The following SS18 variants were observed in gnomAD, a reference collection of about 807,000 sequenced individuals.
The protein encoded by SS18 is protein SSXT.
Under a neutral mutation model 72.5 loss-of-function variants are expected in SS18, and 28 were observed. The ratio of observed to expected loss-of-function variants is 0.39; its 90% CI spans 0.29 to 0.53. SS18 has a LOEUF of 0.53. Among genes scored for constraint, SS18 ranks in the 20% least tolerant of loss-of-function variants. The pLI is 0.76. For missense variants in SS18, 518 were observed against 535.3 expected (o/e 0.97, Z 0.32); for synonymous variants, 172 against 164.2 (o/e 1.05, Z -0.37).
At chr18:26,080,509 T>C (rs982904112) in intron 2 of SS18, 1 of 307,478 alleles carries the variant, frequency 3.3e-6, no homozygotes. Context: ...TGCCACACTC[T>C]TAAGGTCTCA....
In SS18 at chr18:26,071,801, C is replaced by T. The variant is rs558545322; in HGVS notation, c.231+6275G>A. Among the ~76,000 whole-genome samples the T allele has an allele frequency of 3.9e-5, 6 of 152,000 alleles. No homozygotes were observed. In the South Asian group the frequency reaches 1.2e-3, roughly 32 times the overall value. On this transcript the variant is annotated intron_variant, in intron 3 of 10. Coordinates refer to ENST00000415083, the MANE Select transcript of SS18 (RefSeq NM_001007559.3). ...TATGATCATGCCCCTATGCTCTGGC[C>T]TGGGTGACGGAGTGAAACACTGTCT...
rs993075323 is a variant in SS18 at position 26,017,780 on chromosome 18, G to C, written c.*574C>G. 4.5e-6 allele frequency: 1 copy of C among 224,276 alleles called. No individual in the cohort carries two copies. Among genetic ancestry groups the C allele is most frequent in the African/African-American group, 2.2e-5 (1 of 44,850 alleles). 13.9% of individuals were successfully genotyped at this position (224,276 alleles called of 1,614,324 possible). On this transcript the variant is annotated 3_prime_UTR_variant, in exon 11 of 11. Transcript: ENST00000415083. Reference sequence around the variant, plus strand: ...GAACAGTGGACATATGGTGTGCTTTGTCTTCCCCTCACCTTTATCTTTATA... The same window carrying C: ...GAACAGTGGACATATGGTGTGCTTTCTCTTCCCCTCACCTTTATCTTTATA...
chr18:26,031,531 C>A (rs2143831544), intron 10 of SS18, among the ~76,000 whole-genome samples: 1 of 152,272 alleles, frequency 6.6e-6, no homozygotes, highest in Middle Eastern at 3.4e-3. Context: ...AAACCTGAAA[C>A]CAGCCTAAAG....
intron 1 of SS18, chr18:26,090,158 C>T: frequency 3.4e-6 from 1 of 291,310 alleles, no homozygotes; most frequent in African/African-American, 2.2e-5. Context: ...ACGCGCGGGG[C>T]CGCCGGTCCG....
intron 5 of SS18, 73 bp from the exon 6 acceptor site, chr18:26,039,529 T>C: frequency 7.3e-7 from 1 of 1,379,246 alleles, no homozygotes; most frequent in Non-Finnish European, 9.8e-7. Context: ...AATAAGATAA[T>C]CTTTTATCAT....
rs2053560967 is a variant in SS18, at chr18:26,032,497, T to C, written c.1132A>G (p.Asn378Asp). ...SQGGPGPQYPNYPQGQGQQYG... is the reference protein window; with the variant it reads ...SQGGPGPQYPDYPQGQGQQYG... ...TGCTGACCTTGTCCCTGTGGGTAGT[T>C]AGGATACTGAGGACCTGGACCACCC... Residue 378 changes from asparagine (N) to aspartate (D), a missense_variant, in exon 10 of 11, where the codon AAC (asparagine) becomes GAC (aspartate). Physicochemically the swap from Asn to Asp is conservative, Grantham distance 23. Coordinates refer to ENST00000415083, the MANE Select transcript of SS18 (RefSeq NM_001007559.3). The C allele has an allele frequency of 1.2e-6, 2 of 1,613,790 alleles. No homozygotes were observed. Among genetic ancestry groups the C allele is most frequent in the South Asian group, 1.1e-5 (1 of 91,058 alleles).
At chr18:26,050,080 CA>C (rs1319675643) in intron 5 of SS18, among the ~76,000 whole-genome samples, 1 of 151,996 alleles carries the variant, frequency 6.6e-6, no homozygotes, top group Non-Finnish European at 1.5e-5. Flanking sequence ...TACTAAAATA[CA>C]AAAATTAGCT....
In SS18 at chr18:26,035,764, T is replaced by C; in HGVS notation, c.973+67A>G. ...AGCTTTGCATGGGTAGAAGTTGTCT[T>C]ATGCAAGAATTTTCATTCCTGTAGA... On this transcript the variant is annotated intron_variant, in intron 8 of 10. Transcript: ENST00000415083. This position sits in a 1 kb window ranked among gnomAD's most constrained non-coding sequence, Gnocchi z 4.4. The C allele has an allele frequency of 8.8e-7, 1 of 1,139,436 alleles. No homozygotes were observed. The highest frequency in any genetic ancestry group is 1.2e-6 in the Non-Finnish European group (1 of 808,254). The allele number at this position is 1,139,436 out of a possible 1,614,324, so 70.6% of individuals were successfully genotyped here.
chr18:26,023,816 G>A (rs1036680474), intron 10 of SS18, among the ~76,000 whole-genome samples: 1 of 150,472 alleles, frequency 6.6e-6, no homozygotes, highest in Non-Finnish European at 1.5e-5. Context: ...ACCAAAAACG[G>A]TAACTACATG....
chr18:26,031,008 C>T lies in SS18; in HGVS notation c.1230+1391G>A, dbSNP rs1026205943. 5.3e-5 allele frequency among the ~76,000 whole-genome samples: 8 copies of T among 152,206 alleles called. No homozygotes were observed. The East Asian group carries it at 1.2e-3, about 22-fold the overall frequency. On this transcript the variant is annotated intron_variant, in intron 10 of 10. Transcript: ENST00000415083. ...GACAGCTGGTTGACTATTTTACCTC[C>T]GTAGGACCTACTGCAGTATCAAACA...
intron 5 of SS18, among the ~76,000 whole-genome samples, chr18:26,041,743 C>T (rs1300345438): frequency 6.8e-6 from 1 of 147,366 alleles, no homozygotes; most frequent in Non-Finnish European, 1.5e-5. Flanking sequence ...CCACAATAGC[C>T]AAAAGAAAAA....
At chr18:26,079,421 G>A (rs1208404612) in intron 2 of SS18, among the ~76,000 whole-genome samples, 1 of 1,714 alleles carries the variant, frequency 5.8e-4, no homozygotes. Flanking sequence ...CAAATTGTTA[G>A]GCTTTCTTAA....
intron 4 of SS18, among the ~76,000 whole-genome samples, chr18:26,056,553 C>T (rs568685144): frequency 6.1e-4 from 93 of 152,346 alleles, no homozygotes; most frequent in African/African-American, 2.0e-3. Context: ...CCTCAATCTT[C>T]TATAAGCCAG....
rs535337548 is a variant in SS18, at chr18:26,090,220, C to G, written c.69+281G>C. 2.6e-3 allele frequency: 1,227 copies of G among 475,816 alleles called. 18 individuals are homozygous for G. Among genetic ancestry groups the G allele is most frequent in the Non-Finnish European group, 3.2e-4 (86 of 271,112 alleles). The allele number at this position is 475,816 out of a possible 1,614,324, so 29.5% of individuals were successfully genotyped here. On this transcript the variant is annotated intron_variant, in intron 1 of 10. Transcript: ENST00000415083. The stretch of plus-strand genomic sequence containing the variant: ...CGCCGGGCGCACGCGCCCCGCAGCC[C>G]GAACGCCGCCCCATCCCTAGAGAAA...
intron 5 of SS18, among the ~76,000 whole-genome samples, chr18:26,039,834 C>G (rs990080780): frequency 1.3e-5 from 2 of 152,034 alleles, no homozygotes; most frequent in African/African-American, 4.8e-5. Context: ...GGAAAATATA[C>G]CAAAAGTAAA....
chr18:26,038,980 C>T (rs530424726), intron 6 of SS18, among the ~76,000 whole-genome samples: 18 of 151,898 alleles, frequency 1.2e-4, no homozygotes, highest in Non-Finnish European at 2.1e-4. Flanking sequence ...TACTACAGTG[C>T]TGTGAAGTAA....
chr18:26,031,976 T>C (rs578075502), intron 10 of SS18, among the ~76,000 whole-genome samples: 1 of 151,608 alleles, frequency 6.6e-6, no homozygotes, highest in Non-Finnish European at 1.5e-5. Flanking sequence ...TTACCAGAGG[T>C]TGGGAAGAAA....
intron 10 of SS18, among the ~76,000 whole-genome samples, chr18:26,024,047 T>C (rs949232155): frequency 3.3e-5 from 5 of 149,626 alleles, no homozygotes; most frequent in Admixed American, 1.3e-4. Flanking sequence ...CAGACGAACC[T>C]TGAAAATATT....
chr18:26,048,367 T>C (rs1013642522), intron 5 of SS18, among the ~76,000 whole-genome samples: 4 of 152,234 alleles, frequency 2.6e-5, no homozygotes, highest in African/African-American at 9.6e-5. Flanking sequence ...GAAAATGGCT[T>C]TGTTGTATTA....
Sources: gnomAD v4.1 joint callset for allele counts (sites outside exome capture counted in the v4.1 genomes callset) on GRCh38, gnomAD v4.1.1 for gene constraint, Gnocchi (gnomAD v3.1) non-coding constraint, MANE v1.5 for transcripts, NCBI Gene and HGNC (gene_info 2026-07-23, HGNC 2026-07-21) for gene names.